Variants in PKP1 observed in about 807,000 individuals in gnomAD.
PKP1 encodes plakophilin 1.
Under a neutral mutation model 76.4 loss-of-function variants are expected in PKP1, and 27 were observed. That is an observed-to-expected ratio of 0.35 (90% CI 0.26 to 0.49). The LOEUF is 0.49. PKP1 is among the 20% of genes least tolerant of loss of function. The probability of loss-of-function intolerance (pLI) is 0.99; values close to 1 mark genes in which losing one functional copy is unlikely to be tolerated. For synonymous variants in PKP1, 404 were observed against 384.2 expected (o/e 1.05, Z -0.60); for missense variants, 964 against 955.2 (o/e 1.01, Z -0.12).
intron 9 of PKP1, among the ~76,000 whole-genome samples, chr1:201,323,606 G>A (rs772575748): frequency 4.3e-4 from 65 of 152,224 alleles, no homozygotes; most frequent in East Asian, 1.3e-3. Context: ...GACAGAATCC[G>A]TGCAGATGTT....
At chr1:201,308,478 C>T (rs1042177089) in intron 2 of PKP1, among the ~76,000 whole-genome samples, 2 of 152,184 alleles carry the variant, frequency 1.3e-5, no homozygotes, top group African/African-American at 4.8e-5. Flanking sequence ...GACCAGAGGC[C>T]CCTGGCTTTA....
intron 7 of PKP1, 62 bp downstream of exon 7, chr1:201,320,443 C>A (rs957882069): frequency 9.5e-7 from 1 of 1,053,700 alleles, no homozygotes; most frequent in Non-Finnish European, 1.5e-6. Context: ...TTTCTGGGTG[C>A]CTTTGAGGCC....
At chr1:201,320,920 T>C (rs1656919699) in intron 7 of PKP1, among the ~76,000 whole-genome samples, 1 of 152,172 alleles carries the variant, frequency 6.6e-6, no homozygotes, top group South Asian at 2.1e-4. Flanking sequence ...AGAAAAGCCA[T>C]TGGCAGTCAT....
rs746363327 is a variant in PKP1, at chr1:201,318,601, T to C, written c.1055-17T>C. 2.5e-5 allele frequency: 40 copies of C among 1,611,722 alleles called. No homozygotes were observed. Among genetic ancestry groups the C allele is most frequent in the Non-Finnish European group, 1.7e-6 (2 of 1,179,670 alleles). On this transcript the variant is annotated splice_polypyrimidine_tract_variant and intron_variant, in intron 5 of 13. Coordinates refer to ENST00000367324, the MANE Select transcript of PKP1 (RefSeq NM_001005337.3). ...CTGAGCCTGGCACAAATTGGGTTGA[T>C]GGTCTCTGACCCCCAGGGCTGCTCT...
In PKP1 at chr1:201,322,990, C is replaced by A. The variant is rs368667369; in HGVS notation, c.1504-23C>A. The A allele has an allele frequency of 1.9e-6, 3 of 1,612,918 alleles. No homozygotes were observed. In the African/African-American group the frequency reaches 4.0e-5, roughly 22 times the overall value. ...TCTCACAAGGCTCCCCATTGACCCC[C>A]CTGACCGGCTCTTTATCCTCAGAAC... On this transcript the variant is annotated intron_variant, in intron 8 of 13. Coordinates refer to ENST00000367324, the MANE Select transcript of PKP1 (RefSeq NM_001005337.3).
intron 12 of PKP1, among the ~76,000 whole-genome samples, chr1:201,327,130 G>A (rs1657149433): frequency 6.6e-6 from 1 of 152,226 alleles, no homozygotes; most frequent in African/African-American, 2.4e-5. Context: ...GTTGCTGAGA[G>A]GAGATGCTGC....
chr1:201,322,235 C>G (rs1656970878), intron 8 of PKP1, 102 bp downstream of exon 8: 1 of 1,353,360 alleles, frequency 7.4e-7, no homozygotes. Flanking sequence ...GAGCCTGAAG[C>G]CAGCCCTAAG....
rs1371379371 is a variant in PKP1 at position 201,316,616 on chromosome 1, C to A, written c.765C>A (p.Ser255Arg). ...TCCCCAAGGCTGTGCAGTACCTGAG[C>A]TCCCAGGATGAGAAGTACCAGGCCA... ...LTIPKAVQYL[S>R]SQDEKYQAIG... Residue 255 changes from serine (S) to arginine (R), a missense_variant, in exon 4 of 14, where the codon AGC (serine) becomes AGA (arginine). By Grantham distance (110) the Ser-to-Arg change is moderately radical (BLOSUM62 -1). Transcript: ENST00000367324. The A allele has an allele frequency of 1.2e-6, 2 of 1,613,018 alleles. No individual in the cohort carries two copies. The highest frequency in any genetic ancestry group is 2.2e-5 in the South Asian group (2 of 90,640).
chr1:201,320,462 T>G, intron 7 of PKP1, 81 bp downstream of exon 7: 1 of 866,410 alleles, frequency 1.2e-6, no homozygotes. Flanking sequence ...CCTGGCCCAG[T>G]GACAAGACAG....
At chr1:201,294,254 C>G (rs12090395) in intron 2 of PKP1, among the ~76,000 whole-genome samples, 1,571 of 152,256 alleles carry the variant, frequency 0.01, 27 homozygotes, top group African/African-American at 0.036. Context: ...TTTTGAATGT[C>G]TCAAATGATA....
At chr1:201,289,455 G>A (rs1210699067) in intron 1 of PKP1, among the ~76,000 whole-genome samples, 1 of 152,182 alleles carries the variant, frequency 6.6e-6, no homozygotes, top group Non-Finnish European at 1.5e-5. Context: ...TGTGTTCCGA[G>A]CAGCTTGCCC....
intron 9 of PKP1, among the ~76,000 whole-genome samples, chr1:201,323,974 A>G (rs1657028885): frequency 6.6e-6 from 1 of 152,212 alleles, no homozygotes; most frequent in South Asian, 2.1e-4. Context: ...CAAGCCCTCA[A>G]CAAATATGTG....
At position 201,318,721 on chromosome 1, in the gene PKP1, G is replaced by C; in HGVS notation, c.1158G>C (p.Trp386Cys). The change falls in exon 6 of 14, where the codon TGG becomes TGC. Residue 386 changes from tryptophan to cysteine, a missense_variant. Transcript: ENST00000367324. ...ADRVIIPFSG[W>C]CDGNSNMSRE... ...GCGTCATCATTCCCTTCTCTGGCTGGTGCGATGGCAATAGCAACATGTCCC... is the reference window on the plus strand; with the variant it reads ...GCGTCATCATTCCCTTCTCTGGCTGCTGCGATGGCAATAGCAACATGTCCC... 6.2e-7 allele frequency: 1 copy of C among 1,612,116 alleles called. No individual in the cohort carries two copies. Among genetic ancestry groups the C allele is most frequent in the Non-Finnish European group, 8.5e-7 (1 of 1,179,816 alleles).
chr1:201,288,518 T>A (rs1030662362), intron 1 of PKP1, among the ~76,000 whole-genome samples: 1 of 152,112 alleles, frequency 6.6e-6, no homozygotes, highest in Non-Finnish European at 1.5e-5. Context: ...AACTCCCAGG[T>A]GATTCTCATG....
In PKP1 at chr1:201,317,652, G is replaced by A; in HGVS notation, c.927G>A (p.Gly309=). ...AGAACGTCCAGCAGGCCGCGGCAGG[G>A]GCCCTGCGCAACCTGGTGTTCAGGA... ...PNQNVQQAAA[G]ALRNLVFRST... Residue 309 remains glycine (G), a synonymous_variant, in exon 5 of 14, where the codon GGG becomes GGA. Transcript: ENST00000367324. 1.9e-6 allele frequency: 3 copies of A among 1,613,996 alleles called. No homozygotes were observed. Among genetic ancestry groups the A allele is most frequent in the Non-Finnish European group, 2.5e-6 (3 of 1,180,004 alleles).
chr1:201,304,379 G>A (rs1282373312), intron 2 of PKP1, among the ~76,000 whole-genome samples: 1 of 152,192 alleles, frequency 6.6e-6, no homozygotes, highest in Non-Finnish European at 1.5e-5. Flanking sequence ...GGCTGGAGAG[G>A]AACCAAACAG....
intron 2 of PKP1, among the ~76,000 whole-genome samples, chr1:201,308,096 T>G (rs2102168120): frequency 6.6e-6 from 1 of 152,144 alleles, no homozygotes. Context: ...CCAGCTAGAG[T>G]TGGATAGAAT....
At chr1:201,295,698 TA>T (rs1656051201) in intron 2 of PKP1, among the ~76,000 whole-genome samples, 1 of 152,206 alleles carries the variant, frequency 6.6e-6, no homozygotes, top group Non-Finnish European at 1.5e-5. Flanking sequence ...TGACTTTAGA[TA>T]GTTTAATTTC....
At chr1:201,300,927 G>A (rs1187086748) in intron 2 of PKP1, among the ~76,000 whole-genome samples, 1 of 152,186 alleles carries the variant, frequency 6.6e-6, no homozygotes, top group Non-Finnish European at 1.5e-5. Context: ...ATGCCCCTAG[G>A]TCTGGACTGT....
Sources: gnomAD v4.1 joint callset for allele counts (sites outside exome capture counted in the v4.1 genomes callset) on GRCh38, gnomAD v4.1.1 for gene constraint, MANE v1.5 for transcripts, NCBI Gene and HGNC (gene_info 2026-07-23, HGNC 2026-07-21) for gene names.